The following CSMD1 variants were observed in gnomAD, a reference collection of about 807,000 sequenced individuals.
CSMD1 encodes the protein CUB and Sushi multiple domains 1.
In CSMD1, 213 loss-of-function variants were observed where a neutral mutation model predicts 417.5. The ratio of observed to expected loss-of-function variants is 0.51; its 90% CI spans 0.46 to 0.57. The LOEUF is 0.57. CSMD1 is among the 20% of genes least tolerant of loss of function. CSMD1 has a pLI of 0.00. For missense variants in CSMD1, 6,923 were observed against 4,529.7 expected (o/e 1.53, Z -15.17); for synonymous variants, 2,862 against 1,736.8 (o/e 1.65, Z -16.11).
intron 1 of CSMD1, among the ~76,000 whole-genome samples, chr8:4,678,335 C>G (rs982737056): frequency 6.6e-6 from 1 of 151,910 alleles, no homozygotes; most frequent in Non-Finnish European, 1.5e-5. Flanking sequence ...AACCTGAACC[C>G]AAGAGGTGGA....
At chr8:4,316,535 G>A (rs145666778) in intron 3 of CSMD1, among the ~76,000 whole-genome samples, 4 of 152,052 alleles carry the variant, frequency 2.6e-5, no homozygotes, top group South Asian at 2.1e-4. Flanking sequence ...ATAGATTTCT[G>A]GTAAAATAAT....
intron 2 of CSMD1, among the ~76,000 whole-genome samples, chr8:4,535,219 C>T (rs192362774): frequency 1.6e-4 from 24 of 152,090 alleles, no homozygotes; most frequent in African/African-American, 5.8e-4. Context: ...ATAACATAGT[C>T]AATAACTACA....
chr8:3,764,609 G>T (rs1009608861), intron 5 of CSMD1, among the ~76,000 whole-genome samples: 2 of 152,102 alleles, frequency 1.3e-5, no homozygotes, highest in Non-Finnish European at 2.9e-5. Context: ...AGTTTCCTTG[G>T]AGATGTGATA....
intron 50 of CSMD1, among the ~76,000 whole-genome samples, chr8:3,033,867 C>G (rs1810499809): frequency 6.6e-6 from 1 of 152,234 alleles, no homozygotes; most frequent in Non-Finnish European, 1.5e-5. Flanking sequence ...TGCAACCTCA[C>G]TCAGTACACA....
At chr8:3,605,318 A>G (rs1207422467) in intron 8 of CSMD1, among the ~76,000 whole-genome samples, 3 of 152,126 alleles carry the variant, frequency 2.0e-5, no homozygotes, top group East Asian at 1.9e-4. Flanking sequence ...AAAGAACACC[A>G]CATTTACTCC....
At chr8:3,630,168 C>G (rs963238230) in intron 7 of CSMD1, among the ~76,000 whole-genome samples, 8 of 152,322 alleles carry the variant, frequency 5.3e-5, no homozygotes, top group Admixed American at 6.5e-5. Flanking sequence ...TGACTGAATG[C>G]CTGGTACAGG....
chr8:3,062,094 C>T (rs912972311), intron 49 of CSMD1, among the ~76,000 whole-genome samples: 1 of 152,146 alleles, frequency 6.6e-6, no homozygotes, highest in African/African-American at 2.4e-5. Context: ...AAATATGATT[C>T]TGAAAATACA....
chr8:3,805,332 A>C (rs1800672191), intron 5 of CSMD1, among the ~76,000 whole-genome samples: 1 of 152,176 alleles, frequency 6.6e-6, no homozygotes, highest in Admixed American at 6.5e-5. Context: ...GCAAGAAGCT[A>C]CAACTTTTTC....
intron 1 of CSMD1, among the ~76,000 whole-genome samples, chr8:4,737,780 A>T (rs1354210498): frequency 6.6e-6 from 1 of 152,194 alleles, no homozygotes; most frequent in East Asian, 1.9e-4. Flanking sequence ...ACATAGAAAC[A>T]AATAGTTCTT....
intron 2 of CSMD1, among the ~76,000 whole-genome samples, chr8:4,435,134 G>T (rs544710645): frequency 2.6e-5 from 4 of 152,064 alleles, no homozygotes; most frequent in African/African-American, 9.7e-5. Context: ...GTATTTTAAA[G>T]TATCAGTAAT....
intron 28 of CSMD1, among the ~76,000 whole-genome samples, chr8:3,222,724 C>T (rs1798288129): frequency 6.6e-6 from 1 of 152,122 alleles, no homozygotes; most frequent in Admixed American, 6.5e-5. Context: ...AAAATATAGC[C>T]AGTGAGTGTT....
At chr8:4,794,131 T>A (rs1797846159) in intron 1 of CSMD1, among the ~76,000 whole-genome samples, 1 of 152,196 alleles carries the variant, frequency 6.6e-6, no homozygotes, top group South Asian at 2.1e-4. Context: ...ATATAATGCT[T>A]TATTCTCTAA....
intron 1 of CSMD1, among the ~76,000 whole-genome samples, chr8:4,775,572 C>G (rs926091720): frequency 6.6e-6 from 1 of 152,102 alleles, no homozygotes; most frequent in East Asian, 1.9e-4. Flanking sequence ...TTATGAAAGA[C>G]AGAATAAAAA....
At chr8:3,518,969 A>G (rs1264273350) in intron 10 of CSMD1, among the ~76,000 whole-genome samples, 3 of 152,202 alleles carry the variant, frequency 2.0e-5, no homozygotes, top group Non-Finnish European at 4.4e-5. Flanking sequence ...AATGTTATGT[A>G]GCACTTTTAA....
chr8:3,283,985 G>C (rs1204487987), intron 26 of CSMD1, among the ~76,000 whole-genome samples, 159 bp downstream of exon 26: 3 of 152,244 alleles, frequency 2.0e-5, no homozygotes, highest in Non-Finnish European at 4.4e-5. Flanking sequence ...AATGGGGGAA[G>C]AGAACTCTTC....
intron 27 of CSMD1, among the ~76,000 whole-genome samples, chr8:3,224,572 C>T (rs139627326): frequency 2.0e-5 from 3 of 152,154 alleles, no homozygotes; most frequent in Admixed American, 6.5e-5. Context: ...CAGTGAGGAG[C>T]TGAGCTGGAG....
chr8:4,678,933 T>A (rs1805858869), intron 1 of CSMD1, among the ~76,000 whole-genome samples: 1 of 152,130 alleles, frequency 6.6e-6, no homozygotes, highest in Non-Finnish European at 1.5e-5. Flanking sequence ...CTTAACTACA[T>A]AAACCAAACC....
intron 1 of CSMD1, among the ~76,000 whole-genome samples, chr8:4,786,518 G>T (rs1251033888): frequency 6.6e-6 from 1 of 152,132 alleles, no homozygotes; most frequent in Admixed American, 6.5e-5. Flanking sequence ...GTAAATTGGT[G>T]GTTGGTAGTT....
intron 10 of CSMD1, among the ~76,000 whole-genome samples, chr8:3,562,230 C>G (rs1799498081): frequency 6.6e-6 from 1 of 152,074 alleles, no homozygotes; most frequent in East Asian, 1.9e-4. Context: ...AGATTTGTAT[C>G]ATACTTGTTA....
Sources: gnomAD v4.1 joint callset for allele counts (sites outside exome capture counted in the v4.1 genomes callset) on GRCh38, gnomAD v4.1.1 for gene constraint, MANE v1.5 for transcripts, NCBI Gene and HGNC (gene_info 2026-07-23, HGNC 2026-07-21) for gene names.